ZMIZ1: variants seen among roughly 807,000 people sequenced by gnomAD.
ZMIZ1 encodes the protein zinc finger MIZ-type containing 1, also known as zinc finger MIZ domain-containing protein 1.
A neutral mutation model predicts 113.9 loss-of-function variants in ZMIZ1; 17 were observed. The ratio of observed to expected loss-of-function variants is 0.15; its 90% CI spans 0.10 to 0.22. The LOEUF (loss-of-function observed/expected upper bound fraction) is 0.22. Ranked by LOEUF, ZMIZ1 falls within the 10% of genes least tolerant of loss-of-function variation. ZMIZ1 has a pLI of 1.00. For synonymous variants in ZMIZ1, 607 were observed against 603.1 expected, an observed-to-expected ratio of 1.01 and a Z score of -0.09; for missense variants, 1,059 against 1,477.8, an observed-to-expected ratio of 0.72 and a Z score of 4.65.
chr10:79,210,057 C>A (rs576726795), intron 6 of ZMIZ1, among the ~76,000 whole-genome samples: 15 of 152,216 alleles, frequency 9.9e-5, no homozygotes, highest in South Asian at 2.1e-4. Context: ...CTCCCTCCGC[C>A]CCCCCAGCCC....
At chr10:79,237,752 TAGG>T (rs1316412630) in intron 7 of ZMIZ1, among the ~76,000 whole-genome samples, 5 of 152,232 alleles carry the variant, frequency 3.3e-5, no homozygotes, top group Non-Finnish European at 7.3e-5. Flanking sequence ...TTCTGGGGGT[TAGG>T]AGTTCAACAT....
chr10:79,111,295 T>TGGGCAGGCAAGGGAGGAGGCA (rs1843727823), intron 1 of ZMIZ1, among the ~76,000 whole-genome samples: 1 of 152,028 alleles, frequency 6.6e-6, no homozygotes, highest in Admixed American at 6.6e-5. Flanking sequence ...GGGGCCCAGG[T>TGGGCAGGCAAGGGAGGAGGCA]GGGCAGGCAA....
At chr10:79,155,190 T>A (rs938574489) in intron 3 of ZMIZ1, among the ~76,000 whole-genome samples, 1 of 152,120 alleles carries the variant, frequency 6.6e-6, no homozygotes, top group Non-Finnish European at 1.5e-5. Context: ...AAGCAGAAAT[T>A]GTTCATTTGG....
intron 7 of ZMIZ1, among the ~76,000 whole-genome samples, chr10:79,254,971 C>G (rs566451393): frequency 1.3e-5 from 2 of 152,342 alleles, no homozygotes; most frequent in Admixed American, 6.5e-5. Context: ...GAGCTGCCCA[C>G]GACAGCTGGT....
At chr10:79,279,215 C>G (rs1014372085) in intron 8 of ZMIZ1, among the ~76,000 whole-genome samples, 6 of 151,168 alleles carry the variant, frequency 4.0e-5, no homozygotes, top group African/African-American at 1.5e-4. Context: ...GACGGGGCGG[C>G]TGCCGGGCGG....
chr10:79,104,950 GGTGTGTGTGTGTGTGTGTGTGT>G (rs58453718), intron 1 of ZMIZ1, among the ~76,000 whole-genome samples: 2 of 140,092 alleles, frequency 1.4e-5, no homozygotes, highest in Non-Finnish European at 3.1e-5. Context: ...GTTGTTGTGG[GGTGTGTGTGTGTGTGTGTGTGT>G]GTGTGTGTGT....
intron 4 of ZMIZ1, among the ~76,000 whole-genome samples, chr10:79,173,418 G>C (rs1846688552): frequency 6.6e-6 from 1 of 152,188 alleles, no homozygotes; most frequent in South Asian, 2.1e-4. Context: ...GGCTCTGAGA[G>C]CAGATTAGGA....
At chr10:79,117,448 G>T (rs1407865031) in intron 1 of ZMIZ1, among the ~76,000 whole-genome samples, 1 of 152,192 alleles carries the variant, frequency 6.6e-6, no homozygotes, top group African/African-American at 2.4e-5. Flanking sequence ...CCGTAGTGTT[G>T]TTGGATGAAG....
At chr10:79,158,792 T>G (rs74425867) in intron 3 of ZMIZ1, among the ~76,000 whole-genome samples, 1 of 152,212 alleles carries the variant, frequency 6.6e-6, no homozygotes, top group African/African-American at 2.4e-5. Context: ...GGACAGTCCC[T>G]ACCCCCAAGT....
intron 3 of ZMIZ1, among the ~76,000 whole-genome samples, chr10:79,158,493 G>T (rs1431743022): frequency 4.6e-5 from 7 of 152,180 alleles, no homozygotes; most frequent in Admixed American, 1.3e-4. Flanking sequence ...AACCCTTGAG[G>T]CCAGGGCCAG....
intron 4 of ZMIZ1, among the ~76,000 whole-genome samples, chr10:79,178,214 GTC>G (rs1846952251): frequency 6.6e-6 from 1 of 152,224 alleles, no homozygotes; most frequent in Non-Finnish European, 1.5e-5. Context: ...TGGCCCACCT[GTC>G]CTGTCTCCCC....
chr10:79,298,971 G>A, intron 15 of ZMIZ1, 79 bp from the exon 16 acceptor site: 1 of 1,524,242 alleles, frequency 6.6e-7, no homozygotes, highest in Non-Finnish European at 8.8e-7. Flanking sequence ...GCAGCCCAGG[G>A]TGAGCAAGTC....
At chr10:79,251,353 T>A (rs1176566547) in intron 7 of ZMIZ1, among the ~76,000 whole-genome samples, 1 of 152,186 alleles carries the variant, frequency 6.6e-6, no homozygotes, top group Non-Finnish European at 1.5e-5. Context: ...TTGAGCACAG[T>A]GCTGGGATCT....
intron 3 of ZMIZ1, among the ~76,000 whole-genome samples, chr10:79,154,149 G>C (rs1240273829): frequency 6.6e-6 from 1 of 152,140 alleles, no homozygotes; most frequent in Non-Finnish European, 1.5e-5. Context: ...CTTTCTTGTG[G>C]GCCAATATTG....
chr10:79,256,950 G>T (rs947610374), intron 7 of ZMIZ1, among the ~76,000 whole-genome samples: 3 of 152,230 alleles, frequency 2.0e-5, no homozygotes, highest in African/African-American at 7.2e-5. Context: ...AGGTGACACA[G>T]CCCATCAGTG....
At chr10:79,158,833 T>C (rs1845998756) in intron 3 of ZMIZ1, among the ~76,000 whole-genome samples, 1 of 152,240 alleles carries the variant, frequency 6.6e-6, no homozygotes, top group Non-Finnish European at 1.5e-5. Context: ...CTCAGCCTTG[T>C]CACTTTCCAG....
At position 79,293,434 on chromosome 10, in the gene ZMIZ1, G is replaced by A; in HGVS notation, c.1011G>A (p.Arg337=). 6 of 1,527,678 alleles carry A rather than the reference G, an allele frequency of 3.9e-6. No homozygotes were observed. Among genetic ancestry groups the A allele is most frequent in the Non-Finnish European group, 4.4e-6 (5 of 1,138,206 alleles). The allele number at this position is 1,527,678 out of a possible 1,614,324, so 94.6% of individuals were successfully genotyped here. The change falls in exon 12 of 25, where the codon CGG becomes CGA. Residue 337 remains arginine (R), a synonymous_variant. Transcript: ENST00000334512. Reference sequence around the variant, plus strand: ...AATTCATGAACCAGCCCGGGCCGCGGGGGCCTGCCTCCATGGGGGGCAGCA... The same window carrying A: ...AATTCATGAACCAGCCCGGGCCGCGAGGGCCTGCCTCCATGGGGGGCAGCA... ...NSQFMNQPGP[R]GPASMGGSMN...
intron 3 of ZMIZ1, among the ~76,000 whole-genome samples, chr10:79,144,239 G>A (rs1845392871): frequency 6.6e-6 from 1 of 152,176 alleles, no homozygotes; most frequent in Admixed American, 6.5e-5. Context: ...TTGAACTGAT[G>A]GGTAAAACAG....
chr10:79,268,629 G>T (rs141949760), intron 7 of ZMIZ1, among the ~76,000 whole-genome samples: 2 of 152,208 alleles, frequency 1.3e-5, no homozygotes, highest in Admixed American at 6.5e-5. Context: ...CCCCAAATCC[G>T]ATCGTGGCCC....
Sources: gnomAD v4.1 joint callset for allele counts (sites outside exome capture counted in the v4.1 genomes callset) on GRCh38, gnomAD v4.1.1 for gene constraint, MANE v1.5 for transcripts, NCBI Gene and HGNC (gene_info 2026-07-23, HGNC 2026-07-21) for gene names.